COL10A1: variants seen among roughly 807,000 people sequenced by gnomAD.
The protein encoded by COL10A1 is collagen type X alpha 1 chain, also known as collagen alpha-1(X) chain.
A neutral mutation model predicts 18.2 loss-of-function variants in COL10A1; 10 were observed. That is an observed-to-expected ratio of 0.55 (90% confidence interval 0.34 to 0.93). The LOEUF (loss-of-function observed/expected upper bound fraction) is 0.93, where lower values mean the gene tolerates loss of function less well. COL10A1 is among the 40% of genes least tolerant of loss of function. COL10A1 has a pLI of 0.02. For missense variants in COL10A1, 897 were observed against 853.5 expected, an observed-to-expected ratio of 1.05 and a Z score of -0.64; for synonymous variants, 330 against 316.6, an observed-to-expected ratio of 1.04 and a Z score of -0.45.
the COL10A1 span, among the ~76,000 whole-genome samples, chr6:116,178,106 CGTGCGTGT>C: frequency 6.7e-4 from 88 of 130,828 alleles, no homozygotes; most frequent in African/African-American, 1.0e-3. Flanking sequence ...CGCGCGCGTG[CGTGCGTGT>C]GTGTGTGTGT....
chr6:116,138,951 T>C (rs1779693956), intron 1 of COL10A1, among the ~76,000 whole-genome samples: 2 of 152,258 alleles, frequency 1.3e-5, no homozygotes, highest in South Asian at 4.1e-4. Context: ...CATTATTAGT[T>C]TTGTGACCAG....
chr6:116,167,508 A>G, the COL10A1 span, among the ~76,000 whole-genome samples: 1 of 152,162 alleles, frequency 6.6e-6, no homozygotes, highest in Admixed American at 6.5e-5. Flanking sequence ...CACCGTGCCC[A>G]GCCCACATAG....
At position 116,146,064 on chromosome 6, in the gene COL10A1, C is replaced by T. The variant is rs1045454965; in HGVS notation, c.-16+12550G>A. 1.4e-4 allele frequency among the ~76,000 whole-genome samples: 21 copies of T among 152,168 alleles called. 1 individual carries two copies. Among genetic ancestry groups the T allele is most frequent in the Admixed American group, 1.4e-3 (21 of 15,280 alleles). ...TTTCCTATCACAGTTAACATATGCACGGTTACCAGCCATGTGTCCCACAGC... is the reference window on the plus strand; with the variant it reads ...TTTCCTATCACAGTTAACATATGCATGGTTACCAGCCATGTGTCCCACAGC... On this transcript the variant is annotated intron_variant, in intron 1 of 1. Coordinates refer to the COL10A1 transcript ENST00000418500.
the COL10A1 span, among the ~76,000 whole-genome samples, chr6:116,190,008 C>T: frequency 2.0e-5 from 3 of 151,960 alleles, no homozygotes; most frequent in Admixed American, 6.6e-5. Context: ...ATGGAAAGTA[C>T]AGTGGCTCAG....
rs548629615 is a variant in COL10A1, at chr6:116,119,120, A to G, written c.*953T>C. The G allele has an allele frequency of 2.0e-5, 3 of 152,782 alleles. No individual in the cohort carries two copies. Among genetic ancestry groups the G allele is most frequent in the Non-Finnish European group, 2.9e-5 (2 of 68,030 alleles). 9.5% of individuals were successfully genotyped at this position (152,782 alleles called of 1,614,324 possible). A position where few individuals can be genotyped will look rare whatever the true frequency, so the allele number is the denominator to read the frequency against. On this transcript the variant is annotated 3_prime_UTR_variant, in exon 3 of 3. Coordinates refer to ENST00000651968, the MANE Select transcript of COL10A1 (RefSeq NM_000493.4). ...GCACAGCTTAAAAGTTTTAAACAGC[A>G]ATATAAAAATACAGTACAGTGCATA...
chr6:116,185,497 C>G, the COL10A1 span, among the ~76,000 whole-genome samples: 1 of 151,950 alleles, frequency 6.6e-6, no homozygotes, highest in Non-Finnish European at 1.5e-5. Context: ...TGCTGTTGAT[C>G]TCATTTTTCT....
At chr6:116,126,961 CTG>C (rs1332385048), upstream of COL10A1, among the ~76,000 whole-genome samples, 1 of 152,076 alleles carries the variant, frequency 6.6e-6, no homozygotes, top group Non-Finnish European at 1.5e-5. Flanking sequence ...TAGTTAGACT[CTG>C]TTTAACAATA....
the COL10A1 span, among the ~76,000 whole-genome samples, chr6:116,213,385 G>A: frequency 6.6e-6 from 1 of 152,090 alleles, no homozygotes; most frequent in Non-Finnish European, 1.5e-5. Flanking sequence ...GGTAGCCTCA[G>A]ATTGGTTGCA....
At chr6:116,140,387 T>C (rs1779737335) in intron 1 of COL10A1, among the ~76,000 whole-genome samples, 1 of 152,188 alleles carries the variant, frequency 6.6e-6, no homozygotes, top group South Asian at 2.1e-4. Flanking sequence ...CTTACATTCC[T>C]GGTTTCCACA....
chr6:116,168,537 T>A, the COL10A1 span, among the ~76,000 whole-genome samples: 1 of 152,174 alleles, frequency 6.6e-6, no homozygotes, highest in Non-Finnish European at 1.5e-5. Context: ...CTTTATACCA[T>A]AGGAGCTTCT....
chr6:116,153,013 C>G (rs955701186), intron 1 of COL10A1, among the ~76,000 whole-genome samples: 7 of 151,944 alleles, frequency 4.6e-5, no homozygotes, highest in African/African-American at 1.7e-4. Context: ...CACTAAATGG[C>G]TGAACTACAT....
At chr6:116,170,306 CT>C in the COL10A1 span, among the ~76,000 whole-genome samples, 26 of 151,168 alleles carry the variant, frequency 1.7e-4, no homozygotes, top group African/African-American at 4.6e-4. Context: ...TATATATGTA[CT>C]TTTTTTTTAA....
At chr6:116,123,268 C>G (rs888366334) in intron 2 of COL10A1, among the ~76,000 whole-genome samples, 1 of 152,004 alleles carries the variant, frequency 6.6e-6, no homozygotes, top group Non-Finnish European at 1.5e-5. Context: ...AGTGACAGGG[C>G]GAACTTTGTC....
the COL10A1 span, among the ~76,000 whole-genome samples, chr6:116,174,769 A>G: frequency 6.6e-6 from 1 of 152,158 alleles, no homozygotes; most frequent in Non-Finnish European, 1.5e-5. Context: ...TGAAGGACTC[A>G]GTCTACAATT....
At chr6:116,148,363 C>G (rs1402666855) in intron 1 of COL10A1, among the ~76,000 whole-genome samples, 1 of 152,072 alleles carries the variant, frequency 6.6e-6, no homozygotes, top group Non-Finnish European at 1.5e-5. Flanking sequence ...AATATTGTAG[C>G]ATTTGTTTTC....
At chr6:116,191,777 TA>T in the COL10A1 span, among the ~76,000 whole-genome samples, 1 of 152,044 alleles carries the variant, frequency 6.6e-6, no homozygotes, top group East Asian at 1.9e-4. Flanking sequence ...CTTCAATCCT[TA>T]AAGTGTGTAT....
At chr6:116,178,825 C>G in the COL10A1 span, among the ~76,000 whole-genome samples, 4 of 152,202 alleles carry the variant, frequency 2.6e-5, no homozygotes, top group African/African-American at 7.2e-5. Flanking sequence ...AAGCCCCCAA[C>G]TCCCAGTAAA....
the COL10A1 span, among the ~76,000 whole-genome samples, chr6:116,166,021 G>T: frequency 2.0e-5 from 3 of 152,072 alleles, no homozygotes; most frequent in Admixed American, 6.6e-5. Flanking sequence ...TCCTAAATCC[G>T]CACTGACAGC....
At chr6:116,178,867 C>A in the COL10A1 span, among the ~76,000 whole-genome samples, 5 of 152,152 alleles carry the variant, frequency 3.3e-5, no homozygotes, top group African/African-American at 1.2e-4. Flanking sequence ...TTATAAAAAT[C>A]TTCTTGCTTT....
Sources: gnomAD v4.1 joint callset for allele counts (sites outside exome capture counted in the v4.1 genomes callset) on GRCh38, gnomAD v4.1.1 for gene constraint, MANE v1.5 for transcripts, NCBI Gene and HGNC (gene_info 2026-07-23, HGNC 2026-07-21) for gene names.